CFAP57: variants seen among roughly 807,000 people sequenced by gnomAD.
The protein encoded by CFAP57 is cilia and flagella associated protein 57.
A neutral mutation model predicts 146.8 loss-of-function variants in CFAP57; 116 were observed. The observed-to-expected ratio is 0.79, with a 90% CI of 0.68 to 0.92. The LOEUF is 0.92. CFAP57 is among the 40% of genes least tolerant of loss of function. CFAP57 has a pLI of 0.00. For missense variants in CFAP57, 1,377 were observed against 1,527.2 expected, an observed-to-expected ratio of 0.90 and a Z score of 1.64; for synonymous variants, 518 against 552.8, an observed-to-expected ratio of 0.94 and a Z score of 0.88.
intron 13 of CFAP57, 41 bp downstream of exon 13, chr1:43,219,578 A>C: frequency 6.5e-7 from 1 of 1,549,060 alleles, no homozygotes. Context: ...AATAACAAGA[A>C]ATTTCCACTT....
intron 13 of CFAP57, among the ~76,000 whole-genome samples, chr1:43,220,085 G>T (rs1644986397): frequency 6.6e-6 from 1 of 152,152 alleles, no homozygotes; most frequent in Non-Finnish European, 1.5e-5. Flanking sequence ...TAATTAATCT[G>T]ATCTATAGTA....
intron 6 of CFAP57, among the ~76,000 whole-genome samples, chr1:43,190,259 C>T (rs4462189): frequency 0.17 from 24,284 of 142,016 alleles, 3,155 homozygotes; most frequent in African/African-American, 0.34. Context: ...AGAAAGCATC[C>T]AGTCTCTTTT....
chr1:43,235,699 G>T (rs559182985), intron 21 of CFAP57, among the ~76,000 whole-genome samples: 46 of 152,300 alleles, frequency 3.0e-4, no homozygotes, highest in African/African-American at 1.1e-3. Context: ...CCAGCTGGTG[G>T]AGCCCTGAGA....
intron 6 of CFAP57, among the ~76,000 whole-genome samples, chr1:43,187,578 C>T (rs568187258): frequency 1.3e-4 from 20 of 151,384 alleles, no homozygotes; most frequent in Admixed American, 1.1e-3. Context: ...TTATCATAGA[C>T]AGCCTTAGGA....
chr1:43,243,270 A>G lies in CFAP57; in HGVS notation c.3449A>G (p.Glu1150Gly). Residue 1150 changes from glutamate to glycine, a missense_variant, in exon 22 of 23, where the codon GAG becomes GGG. By Grantham distance (98) the Glu-to-Gly change is moderately conservative. Transcript: ENST00000372492. ...LIKEINELRRELKFTRSQVYD... is the reference protein window; with the variant it reads ...LIKEINELRRGLKFTRSQVYD... ...AAGGAAATTAATGAGCTCCGCAGGG[A>G]GCTGAAGTTCACTCGGTCCCAAGTC... 1 of 1,550,210 alleles carries G rather than the reference A, an allele frequency of 6.5e-7. No individual in the cohort carries two copies. The highest frequency in any genetic ancestry group is 8.7e-7 in the Non-Finnish European group (1 of 1,146,770).
intron 18 of CFAP57, among the ~76,000 whole-genome samples, chr1:43,229,435 C>T (rs1645384025): frequency 1.3e-5 from 2 of 148,580 alleles, no homozygotes; most frequent in Admixed American, 6.6e-5. Flanking sequence ...CTTCTGGGAG[C>T]CTCTGACCTT....
chr1:43,231,540 A>C (rs1457458135), intron 18 of CFAP57, among the ~76,000 whole-genome samples: 1 of 152,114 alleles, frequency 6.6e-6, no homozygotes, highest in Non-Finnish European at 1.5e-5. Context: ...GGTTAATATA[A>C]ATGCAAAAAT....
At chr1:43,205,289 G>C (rs1644311869) in intron 9 of CFAP57, among the ~76,000 whole-genome samples, 1 of 152,168 alleles carries the variant, frequency 6.6e-6, no homozygotes, top group Admixed American at 6.5e-5. Flanking sequence ...CCATAGGCAT[G>C]GACTTTTCCA....
chr1:43,202,908 T>C (rs906280625), intron 9 of CFAP57, among the ~76,000 whole-genome samples: 1 of 152,062 alleles, frequency 6.6e-6, no homozygotes, highest in Non-Finnish European at 1.5e-5. Flanking sequence ...GCGCAGTGGC[T>C]CACACCTGTA....
rs1474364021 is a variant in CFAP57, at chr1:43,199,565, G to T, written c.1542+62G>T. The T allele has an allele frequency of 6.9e-6, 10 of 1,439,500 alleles. No homozygotes were observed. The East Asian group carries it at 2.3e-4, about 33-fold the overall frequency. 89.2% of individuals were successfully genotyped at this position (1,439,500 alleles called of 1,614,324 possible). On this transcript the variant is annotated intron_variant, in intron 9 of 22. Coordinates refer to ENST00000372492, the MANE Select transcript of CFAP57 (RefSeq NM_001378189.1). ...ACGGAGCCAAGTATGCCGCCAGCCA[G>T]TGGGATACAGGTGAACAAAAGAGAG... is the stretch of plus-strand genomic sequence containing the variant.
chr1:43,244,084 A>C (rs1308256468), intron 22 of CFAP57, among the ~76,000 whole-genome samples: 1 of 152,242 alleles, frequency 6.6e-6, no homozygotes, highest in East Asian at 1.9e-4. Context: ...TGGAGTAACA[A>C]TGAACAGCCT....
At chr1:43,234,130 T>C in intron 19 of CFAP57, 149 bp from the exon 20 acceptor site, 7 of 944,098 alleles carry the variant, frequency 7.4e-6, no homozygotes, top group Middle Eastern at 3.1e-4. Context: ...CGTCTAAGTT[T>C]CTATGCCCAG....
intron 11 of CFAP57, among the ~76,000 whole-genome samples, chr1:43,213,341 C>T (rs751111383): frequency 6.6e-6 from 1 of 152,216 alleles, no homozygotes; most frequent in Admixed American, 6.5e-5. Context: ...AACTTCACGA[C>T]CTCCAGTTCC....
chr1:43,224,248 C>T (rs1645157164), intron 17 of CFAP57, 44 bp downstream of exon 17: 2 of 1,477,608 alleles, frequency 1.4e-6, no homozygotes, highest in Non-Finnish European at 1.8e-6. Context: ...GCCAGATGGG[C>T]CAAGGCGAGG....
intron 6 of CFAP57, among the ~76,000 whole-genome samples, chr1:43,190,142 A>C (rs1643405630): frequency 1.3e-5 from 2 of 152,218 alleles, no homozygotes; most frequent in African/African-American, 4.8e-5. Flanking sequence ...CAATCTGTGA[A>C]TGCCTGTTAC....
chr1:43,217,889 G>A (rs575209445), intron 12 of CFAP57, among the ~76,000 whole-genome samples: 48 of 152,244 alleles, frequency 3.2e-4, no homozygotes, highest in African/African-American at 7.7e-4. Flanking sequence ...ATGGTCTACC[G>A]GGCCCCTGAT....
At chr1:43,240,509 C>T (rs1645871130) in intron 21 of CFAP57, among the ~76,000 whole-genome samples, 1 of 152,156 alleles carries the variant, frequency 6.6e-6, no homozygotes, top group African/African-American at 2.4e-5. Context: ...ACCCATCACA[C>T]TACAATCAGC....
At chr1:43,192,739 A>T (rs145630764) in intron 6 of CFAP57, among the ~76,000 whole-genome samples, 103 of 151,796 alleles carry the variant, frequency 6.8e-4, no homozygotes, top group African/African-American at 2.4e-3. Flanking sequence ...AGCCTGACCA[A>T]CATGGCGAAA....
In CFAP57 at chr1:43,199,508, G is replaced by A. The variant is rs1644020072; in HGVS notation, c.1542+5G>A. ...CTGAAAGGACACACAGGGAAGGTAA[G>A]TGAGTGAACAGTCTCTGGGGAAACA... is the stretch of plus-strand genomic sequence containing the variant. On this transcript the variant is annotated splice_donor_5th_base_variant and intron_variant, in intron 9 of 22. Transcript: ENST00000372492. 6.2e-7 allele frequency: 1 copy of A among 1,613,882 alleles called. No homozygotes were observed. Among genetic ancestry groups the A allele is most frequent in the Admixed American group, 1.7e-5 (1 of 60,014 alleles).
Sources: gnomAD v4.1 joint callset for allele counts (sites outside exome capture counted in the v4.1 genomes callset) on GRCh38, gnomAD v4.1.1 for gene constraint, MANE v1.5 for transcripts, NCBI Gene and HGNC (gene_info 2026-07-23, HGNC 2026-07-21) for gene names.